Variants in SFXN5 observed in about 807,000 individuals in gnomAD.
SFXN5 encodes the protein sideroflexin-5.
Under a neutral mutation model 50.2 loss-of-function variants are expected in SFXN5, and 43 were observed. The observed-to-expected ratio is 0.86, with a 90% confidence interval of 0.67 to 1.11. The LOEUF (loss-of-function observed/expected upper bound fraction) is 1.11. SFXN5 is among the 50% of genes least tolerant of loss of function. The pLI, the probability that SFXN5 is intolerant of heterozygous loss-of-function variation, is 0.00. For synonymous variants in SFXN5, 203 were observed against 185.8 expected (o/e 1.09, Z -0.75); for missense variants, 463 against 454.1 (o/e 1.02, Z -0.18).
At chr2:72,982,929 G>T (rs964640561) in intron 10 of SFXN5, among the ~76,000 whole-genome samples, 1 of 152,232 alleles carries the variant, frequency 6.6e-6, no homozygotes, top group Admixed American at 6.5e-5. Flanking sequence ...GCATCCAGAG[G>T]TGCCTGAAGG....
At chr2:73,013,638 G>A (rs554885895) in intron 6 of SFXN5, among the ~76,000 whole-genome samples, 6 of 151,908 alleles carry the variant, frequency 3.9e-5, no homozygotes, top group Non-Finnish European at 1.5e-5. Context: ...TCAGGGCAAC[G>A]ACATAAAAAT....
intron 1 of SFXN5, among the ~76,000 whole-genome samples, chr2:73,060,990 C>T (rs1341635639): frequency 1.3e-5 from 2 of 151,704 alleles, no homozygotes; most frequent in African/African-American, 4.8e-5. Flanking sequence ...CGTGAGCCAC[C>T]GCGCCTGGCC....
At chr2:72,947,329 C>T (rs1573920253) in intron 13 of SFXN5, among the ~76,000 whole-genome samples, 1 of 152,216 alleles carries the variant, frequency 6.6e-6, no homozygotes, top group Non-Finnish European at 1.5e-5. Flanking sequence ...CCCCTGGAGA[C>T]ACCACATCAG....
At chr2:73,071,411 A>C in intron 1 of SFXN5, 193 bp downstream of exon 1, 5 of 582,602 alleles carry the variant, frequency 8.6e-6, no homozygotes, top group South Asian at 2.1e-5. Context: ...TAGGAAGCCA[A>C]GATGGGAGTC....
At chr2:73,002,123 G>A (rs1258861779) in intron 6 of SFXN5, among the ~76,000 whole-genome samples, 3 of 152,156 alleles carry the variant, frequency 2.0e-5, no homozygotes, top group African/African-American at 7.2e-5. Context: ...ACAAGTTGGG[G>A]GAATTTGTAT....
intron 13 of SFXN5, among the ~76,000 whole-genome samples, chr2:72,951,274 C>T (rs1004571723): frequency 2.0e-5 from 3 of 152,134 alleles, no homozygotes; most frequent in African/African-American, 4.8e-5. Flanking sequence ...ATCAGAGTGC[C>T]ACCCCATCTT....
intron 6 of SFXN5, among the ~76,000 whole-genome samples, chr2:73,013,683 T>C (rs1475019689): frequency 6.6e-6 from 1 of 152,102 alleles, no homozygotes; most frequent in Non-Finnish European, 1.5e-5. Flanking sequence ...GATATATTTA[T>C]ATATTTTTAA....
chr2:73,066,543 G>A lies in SFXN5; in HGVS notation c.102+5061C>T, dbSNP rs184041524. Among the ~76,000 whole-genome samples, 45 of 151,444 alleles carry A rather than the reference G, an allele frequency of 3.0e-4. No individual in the cohort carries two copies. The East Asian group carries it at 7.9e-3, about 27-fold the overall frequency. On this transcript the variant is annotated intron_variant, in intron 1 of 13. Transcript: ENST00000272433. The stretch of plus-strand genomic sequence containing the variant: ...ACTGCACTCCAGCCTGGGCGACAGA[G>A]AGAGACTCTGTCTCCAAAAAAAAAA...
Position 72,960,019 on chromosome 2 carries a change from C to T in SFXN5, c.945+1112G>A, listed in dbSNP as rs1276642860. Among the ~76,000 whole-genome samples the T allele has an allele frequency of 1.3e-5, 2 of 151,936 alleles. No homozygotes were observed. On this transcript the variant is annotated intron_variant, in intron 13 of 13. Coordinates refer to ENST00000272433, the MANE Select transcript of SFXN5 (RefSeq NM_144579.3). This position sits in a 1 kb window ranked among gnomAD's most constrained non-coding sequence, Gnocchi z 6.1. Reference sequence around the variant, plus strand: ...TCAGGAGGGTCTGACCCTGTGGATGCCCCCCACCCACCCTGATCACACATG... The same window carrying T: ...TCAGGAGGGTCTGACCCTGTGGATGTCCCCCACCCACCCTGATCACACATG...
intron 10 of SFXN5, among the ~76,000 whole-genome samples, chr2:72,977,177 C>G (rs1181705921): frequency 6.6e-6 from 1 of 152,166 alleles, no homozygotes. Context: ...CCGCCATCTT[C>G]CACAAGCCTG....
intron 6 of SFXN5, among the ~76,000 whole-genome samples, chr2:73,016,374 G>T (rs992297723): frequency 3.9e-5 from 6 of 152,140 alleles, no homozygotes; most frequent in African/African-American, 1.4e-4. Flanking sequence ...TAATGAGGAA[G>T]ATCTCTATAA....
chr2:73,036,998 C>T (rs759135258), intron 3 of SFXN5, among the ~76,000 whole-genome samples: 19 of 152,358 alleles, frequency 1.2e-4, no homozygotes, highest in Non-Finnish European at 2.5e-4. Context: ...CTGTCACTCT[C>T]CCAGGGCCCT....
At chr2:72,977,418 T>C (rs1670754540) in intron 10 of SFXN5, among the ~76,000 whole-genome samples, 1 of 151,922 alleles carries the variant, frequency 6.6e-6, no homozygotes, top group South Asian at 2.1e-4. Context: ...AACATATGAG[T>C]AGGCAATTCA....
chr2:72,957,060 T>C lies in SFXN5; in HGVS notation c.945+4071A>G, dbSNP rs138571411. The C allele has an allele frequency of 4.6e-4, 212 of 456,772 alleles. 2 individuals carry two copies. The East Asian group carries it at 0.012, about 25-fold the overall frequency. The allele number at this position is 456,772 out of a possible 1,614,324, so 28.3% of individuals were successfully genotyped here. ...AGTTACTCCATCTGGGTTCTCCCTG[T>C]GCCCTTGGCTGCTTCTTCCCCTTCT... On this transcript the variant is annotated intron_variant, in intron 13 of 13. Transcript: ENST00000272433.
intron 1 of SFXN5, among the ~76,000 whole-genome samples, chr2:73,070,049 T>C (rs1188786373): frequency 2.0e-5 from 3 of 152,104 alleles, no homozygotes; most frequent in African/African-American, 4.8e-5. Context: ...GCCAAAGAGA[T>C]GTGCAGGAGG....
chr2:73,009,488 T>C (rs1247707673), intron 6 of SFXN5, among the ~76,000 whole-genome samples: 1 of 152,242 alleles, frequency 6.6e-6, no homozygotes, highest in African/African-American at 2.4e-5. Flanking sequence ...GCTTGACTGT[T>C]CTGAACCTCA....
At chr2:73,053,033 C>T (rs953417012) in intron 2 of SFXN5, among the ~76,000 whole-genome samples, 5 of 152,210 alleles carry the variant, frequency 3.3e-5, no homozygotes, top group East Asian at 1.9e-4. Context: ...AAAAATTATC[C>T]GAGCATGGTG....
chr2:73,066,686 G>C (rs1263241991), intron 1 of SFXN5, among the ~76,000 whole-genome samples: 1 of 151,630 alleles, frequency 6.6e-6, no homozygotes, highest in Non-Finnish European at 1.5e-5. Flanking sequence ...TATGAATAGC[G>C]ACTGGTTACT....
At chr2:73,006,924 A>C (rs1463679514) in intron 6 of SFXN5, among the ~76,000 whole-genome samples, 1 of 152,238 alleles carries the variant, frequency 6.6e-6, no homozygotes, top group African/African-American at 2.4e-5. Flanking sequence ...GCTTGAGCCT[A>C]GTCTCAAGAC....
Sources: gnomAD v4.1 joint callset for allele counts (sites outside exome capture counted in the v4.1 genomes callset) on GRCh38, gnomAD v4.1.1 for gene constraint, Gnocchi (gnomAD v3.1) non-coding constraint, MANE v1.5 for transcripts, NCBI Gene and HGNC (gene_info 2026-07-23, HGNC 2026-07-21) for gene names.